Variants in IFT74 observed in about 807,000 individuals in gnomAD.
The protein encoded by IFT74 is intraflagellar transport 74, also known as intraflagellar transport protein 74 homolog.
Under a neutral mutation model 96.7 loss-of-function variants are expected in IFT74, and 92 were observed. That is an observed-to-expected ratio of 0.95 (90% CI 0.80 to 1.13). IFT74 has a LOEUF of 1.13. IFT74 is among the 50% of genes most tolerant of loss of function. The probability of loss-of-function intolerance (pLI) is 0.00; values close to 1 mark genes in which losing one functional copy is unlikely to be tolerated. For synonymous variants in IFT74, 223 were observed against 213.2 expected, an observed-to-expected ratio of 1.05 and a Z score of -0.40; for missense variants, 811 against 698.2, an observed-to-expected ratio of 1.16 and a Z score of -1.82.
chr9:26,988,529 A>C (rs1827730874), intron 6 of IFT74, 140 bp from the exon 7 acceptor site: 5 of 846,730 alleles, frequency 5.9e-6, no homozygotes, highest in Non-Finnish European at 8.5e-6. Context: ...TTTTTATCTT[A>C]AAATAGAAAA....
At chr9:26,967,800 C>G (rs972445694) in intron 2 of IFT74, among the ~76,000 whole-genome samples, 1 of 152,118 alleles carries the variant, frequency 6.6e-6, no homozygotes, top group Admixed American at 6.6e-5. Context: ...TTTTGATCAT[C>G]AGGAGATGTT....
At chr9:27,011,645 G>GT (rs56762171) in intron 9 of IFT74, among the ~76,000 whole-genome samples, 1,847 of 133,658 alleles carry the variant, frequency 0.014, 17 homozygotes, top group South Asian at 0.021. Context: ...AACTCATGAA[G>GT]TTTTTTTTTT....
At chr9:27,022,591 GTTTTA>G (rs1436169244) in intron 12 of IFT74, among the ~76,000 whole-genome samples, 6 of 149,766 alleles carry the variant, frequency 4.0e-5, no homozygotes, top group Admixed American at 6.6e-5. Flanking sequence ...ATTATATTTT[GTTTTA>G]TTTTATTTTA....
At chr9:27,052,709 A>G (rs934157231) in intron 16 of IFT74, among the ~76,000 whole-genome samples, 2 of 152,108 alleles carry the variant, frequency 1.3e-5, no homozygotes, top group Non-Finnish European at 2.9e-5. Context: ...TTTTCATTTT[A>G]ACTTCAACCA....
At chr9:27,016,002 G>GTGGGA (rs1829326575) in intron 10 of IFT74, among the ~76,000 whole-genome samples, 2 of 152,086 alleles carry the variant, frequency 1.3e-5, no homozygotes, top group Non-Finnish European at 2.9e-5. Context: ...TTTGTGAAAG[G>GTGGGA]TGGGATAGTG....
chr9:26,989,468 A>C (rs1827776038), intron 7 of IFT74, among the ~76,000 whole-genome samples: 1 of 152,248 alleles, frequency 6.6e-6, no homozygotes, highest in African/African-American at 2.4e-5. Flanking sequence ...GGATGAAAAT[A>C]ACATACAATT....
At chr9:26,965,169 A>G (rs1429989543) in intron 2 of IFT74, among the ~76,000 whole-genome samples, 1 of 152,202 alleles carries the variant, frequency 6.6e-6, no homozygotes, top group East Asian at 1.9e-4. Context: ...AGTGATATCA[A>G]TTTAACATAG....
At chr9:26,992,729 G>T (rs1483008221) in intron 8 of IFT74, among the ~76,000 whole-genome samples, 1 of 151,936 alleles carries the variant, frequency 6.6e-6, no homozygotes, top group African/African-American at 2.4e-5. Context: ...TGTTACGAAG[G>T]TTACTTTTCT....
Position 26,999,778 on chromosome 9 carries a change from T to C in IFT74, c.588-9242T>C. ...TTTTGAATCTGTTTATTCTTTTTTT[T>C]TTTTTTTTTTTTTGGCTGAGACAGG... On this transcript the variant is annotated intron_variant, in intron 8 of 19. Coordinates refer to ENST00000380062, the MANE Select transcript of IFT74 (RefSeq NM_025103.4). 4.4e-6 allele frequency: 4 copies of C among 914,704 alleles called. No individual in the cohort carries two copies. In the East Asian group the frequency reaches 8.4e-5, roughly 19 times the overall value. 56.7% of individuals were successfully genotyped at this position (914,704 alleles called of 1,614,324 possible).
At chr9:27,049,066 C>T (rs1819814907) in intron 16 of IFT74, among the ~76,000 whole-genome samples, 1 of 152,068 alleles carries the variant, frequency 6.6e-6, no homozygotes, top group African/African-American at 2.4e-5. Flanking sequence ...GAGCCTGGTA[C>T]CTCCTCCTTC....
At chr9:27,036,565 C>A (rs573012531) in intron 13 of IFT74, 2 of 1,595,920 alleles carry the variant, frequency 1.3e-6, no homozygotes, top group African/African-American at 1.4e-5. Flanking sequence ...TGAAGAATAC[C>A]CTGCTATAGC....
chr9:26,994,754 A>T (rs1171391633), intron 8 of IFT74: 1 of 152,606 alleles, frequency 6.6e-6, no homozygotes, highest in Non-Finnish European at 1.5e-5. Flanking sequence ...AAGATTCCTT[A>T]GTGTCAGCAC....
intron 16 of IFT74, among the ~76,000 whole-genome samples, chr9:27,051,093 C>T (rs1819899534): frequency 6.6e-6 from 1 of 152,018 alleles, no homozygotes. Context: ...CAAGGTATTC[C>T]CTCAGACTTT....
intron 6 of IFT74, among the ~76,000 whole-genome samples, chr9:26,987,804 TG>T: frequency 6.6e-6 from 1 of 152,360 alleles, no homozygotes; most frequent in East Asian, 1.9e-4. Flanking sequence ...AAATATCCTA[TG>T]TTGACAACTG....
At chr9:27,060,851 A>G (rs1820385966) in intron 19 of IFT74, 200 bp downstream of exon 19, 1 of 304,322 alleles carries the variant, frequency 3.3e-6, no homozygotes, top group Non-Finnish European at 6.2e-6. Context: ...AATCCCACCT[A>G]CTTGGGAGGC....
At chr9:26,987,022 T>C (rs563160284) in intron 6 of IFT74, among the ~76,000 whole-genome samples, 90 of 152,304 alleles carry the variant, frequency 5.9e-4, no homozygotes, top group African/African-American at 2.1e-3. Context: ...GATGTTCTGT[T>C]TTAAATGTGA....
chr9:26,995,308 C>A, intron 8 of IFT74: 1 of 461,038 alleles, frequency 2.2e-6, no homozygotes, highest in East Asian at 3.9e-5. Flanking sequence ...GTATTGTAGA[C>A]TATGTAACTG....
intron 10 of IFT74, among the ~76,000 whole-genome samples, chr9:27,016,592 A>G (rs1187801503): frequency 2.0e-5 from 3 of 152,192 alleles, no homozygotes; most frequent in Non-Finnish European, 4.4e-5. Flanking sequence ...AAAGTTGTAC[A>G]TATGTTTTGA....
Position 27,055,789 on chromosome 9 carries a change from T to G in IFT74, c.1497+17T>G. 6.9e-7 allele frequency: 1 copy of G among 1,452,358 alleles called. No individual in the cohort carries two copies. The highest frequency in any genetic ancestry group is 1.5e-5 in the African/African-American group (1 of 67,820). The allele number at this position is 1,452,358 out of a possible 1,614,324, so 90.0% of individuals were successfully genotyped here. A position where few individuals can be genotyped will look rare whatever the true frequency, so the allele number is the denominator to read the frequency against. The stretch of plus-strand genomic sequence containing the variant: ...AAGATAAAGGTAAATGTTAACCAAG[T>G]CTTACAGAATTACAATTCAGATTGT... On this transcript the variant is annotated intron_variant, in intron 17 of 19. Coordinates refer to ENST00000380062, the MANE Select transcript of IFT74 (RefSeq NM_025103.4).
Sources: gnomAD v4.1 joint callset for allele counts (sites outside exome capture counted in the v4.1 genomes callset) on GRCh38, gnomAD v4.1.1 for gene constraint, MANE v1.5 for transcripts, NCBI Gene and HGNC (gene_info 2026-07-23, HGNC 2026-07-21) for gene names.